Variants in MICU2 observed in about 807,000 individuals in gnomAD.
MICU2 encodes mitochondrial calcium uptake 2.
A neutral mutation model predicts 60.4 loss-of-function variants in MICU2; 64 were observed. That is an observed-to-expected ratio of 1.06 (90% CI 0.87 to 1.31). The LOEUF is 1.31. Among genes scored for constraint, MICU2 ranks in the 50% most tolerant of loss-of-function variants. The pLI, the probability that MICU2 is intolerant of heterozygous loss-of-function variation, is 0.00. For synonymous variants in MICU2, 201 were observed against 175.0 expected (o/e 1.15, Z -1.17); for missense variants, 569 against 531.0 (o/e 1.07, Z -0.70).
At chr13:21,597,561 G>C (rs1888720623) in intron 1 of MICU2, among the ~76,000 whole-genome samples, 2 of 152,086 alleles carry the variant, frequency 1.3e-5, no homozygotes, top group Non-Finnish European at 2.9e-5. Flanking sequence ...GATTATTCTA[G>C]GTACTAAGAA....
intron 2 of MICU2, among the ~76,000 whole-genome samples, chr13:21,553,652 C>A (rs1221613661): frequency 1.3e-5 from 2 of 152,160 alleles, no homozygotes; most frequent in Non-Finnish European, 2.9e-5. Context: ...CAGCTAACAT[C>A]ATAATGACAG....
At chr13:21,530,775 C>T (rs1363500868) in intron 4 of MICU2, 10 of 649,046 alleles carry the variant, frequency 1.5e-5, no homozygotes, top group African/African-American at 5.4e-5. Context: ...CCACCACCGC[C>T]CCAGCAGCAG....
At chr13:21,578,189 C>CT (rs1357716066) in intron 1 of MICU2, among the ~76,000 whole-genome samples, 3 of 152,148 alleles carry the variant, frequency 2.0e-5, no homozygotes, top group Admixed American at 6.5e-5. Flanking sequence ...TAGAAAGTAT[C>CT]TTTTTTATTC....
chr13:21,573,199 A>G (rs969865025), intron 1 of MICU2, among the ~76,000 whole-genome samples: 3 of 152,222 alleles, frequency 2.0e-5, no homozygotes, highest in African/African-American at 7.2e-5. Flanking sequence ...GGGTTGTCAA[A>G]TACTGTTACA....
At chr13:21,496,200 A>G (rs1566136883) in intron 9 of MICU2, 40 bp from the exon 10 acceptor site, 1 of 1,415,332 alleles carries the variant, frequency 7.1e-7, no homozygotes, top group East Asian at 2.4e-5. Context: ...TTGTAAGTAC[A>G]TTAAATAATC....
At chr13:21,599,766 G>A (rs1416556825) in intron 1 of MICU2, among the ~76,000 whole-genome samples, 1 of 152,100 alleles carries the variant, frequency 6.6e-6, no homozygotes, top group South Asian at 2.1e-4. Context: ...CTTTCCAAAG[G>A]TCAGAAACAA....
intron 1 of MICU2, among the ~76,000 whole-genome samples, chr13:21,577,648 C>CA (rs916186959): frequency 6.6e-6 from 1 of 151,318 alleles, no homozygotes; most frequent in African/African-American, 2.4e-5. Context: ...TACAAAAATA[C>CA]AAAAAAATTA....
intron 2 of MICU2, among the ~76,000 whole-genome samples, chr13:21,553,619 C>T (rs1324112695): frequency 4.3e-4 from 65 of 149,866 alleles, no homozygotes; most frequent in South Asian, 8.5e-4. Context: ...GAAGAAACTG[C>T]ATCAACTAAC....
At chr13:21,527,862 A>C (rs1233486894) in intron 4 of MICU2, among the ~76,000 whole-genome samples, 1 of 152,202 alleles carries the variant, frequency 6.6e-6, no homozygotes, top group East Asian at 1.9e-4. Context: ...CTCACTCATC[A>C]ATGTGAAAAC....
At chr13:21,555,384 G>A (rs900593806) in intron 2 of MICU2, among the ~76,000 whole-genome samples, 3 of 152,068 alleles carry the variant, frequency 2.0e-5, no homozygotes, top group Non-Finnish European at 4.4e-5. Flanking sequence ...ATCAATAAAC[G>A]TAATCCAGCA....
intron 1 of MICU2, among the ~76,000 whole-genome samples, chr13:21,571,866 T>C (rs12430902): frequency 0.34 from 51,977 of 152,084 alleles, 9,341 homozygotes; most frequent in South Asian, 0.4. Flanking sequence ...CTTTGAGCTA[T>C]GTGACAAAAA....
chr13:21,572,130 T>G (rs1171318769), intron 1 of MICU2, among the ~76,000 whole-genome samples: 1 of 152,142 alleles, frequency 6.6e-6, no homozygotes, highest in Non-Finnish European at 1.5e-5. Flanking sequence ...ACACTAATGG[T>G]AGAAGGGAGA....
intron 2 of MICU2, among the ~76,000 whole-genome samples, chr13:21,552,897 T>A (rs1887608626): frequency 6.6e-6 from 1 of 152,210 alleles, no homozygotes; most frequent in South Asian, 2.1e-4. Flanking sequence ...GGCTTAGGAT[T>A]GACTTCGCAA....
At chr13:21,574,432 G>A (rs955667698) in intron 1 of MICU2, among the ~76,000 whole-genome samples, 1 of 152,224 alleles carries the variant, frequency 6.6e-6, no homozygotes, top group African/African-American at 2.4e-5. Context: ...AAGGAATTAA[G>A]AGCAATGAGT....
At chr13:21,567,818 A>T in intron 1 of MICU2, among the ~76,000 whole-genome samples, 1 of 152,212 alleles carries the variant, frequency 6.6e-6, no homozygotes, top group Non-Finnish European at 1.5e-5. Context: ...AGATACAGAA[A>T]CTGAAAAGTA....
chr13:21,513,094 A>G (rs1219352583), intron 7 of MICU2, among the ~76,000 whole-genome samples: 1 of 151,916 alleles, frequency 6.6e-6, no homozygotes, highest in Non-Finnish European at 1.5e-5. Context: ...ACCTTCCTAA[A>G]ATCAATTATT....
intron 2 of MICU2, among the ~76,000 whole-genome samples, chr13:21,565,907 C>T (rs1053631776): frequency 4.6e-5 from 7 of 152,226 alleles, no homozygotes; most frequent in Non-Finnish European, 2.9e-5. Context: ...TGCCATTCAT[C>T]CCTGCCAAAT....
intron 1 of MICU2, among the ~76,000 whole-genome samples, chr13:21,601,656 A>G (rs1372545906): frequency 1.3e-5 from 2 of 151,738 alleles, no homozygotes; most frequent in African/African-American, 4.8e-5. Context: ...AATTAGATGG[A>G]TAAGTGAAAT....
chr13:21,539,011 C>T (rs533905322), intron 4 of MICU2, among the ~76,000 whole-genome samples: 3 of 150,712 alleles, frequency 2.0e-5, no homozygotes, highest in African/African-American at 7.3e-5. Flanking sequence ...GATTACTCTG[C>T]CATGACCTCT....
Sources: gnomAD v4.1 joint callset for allele counts (sites outside exome capture counted in the v4.1 genomes callset) on GRCh38, gnomAD v4.1.1 for gene constraint, MANE v1.5 for transcripts, NCBI Gene and HGNC (gene_info 2026-07-23, HGNC 2026-07-21) for gene names.